The following PRR5L variants were observed in gnomAD, a reference collection of about 807,000 sequenced individuals.
The protein encoded by PRR5L is proline-rich protein 5-like.
A neutral mutation model predicts 36.4 loss-of-function variants in PRR5L; 21 were observed. That is an observed-to-expected ratio of 0.58 (90% CI 0.41 to 0.83). The LOEUF (loss-of-function observed/expected upper bound fraction) is 0.83. Ranked by LOEUF, PRR5L falls within the 40% of genes least tolerant of loss-of-function variation. The pLI is 0.00. For synonymous variants in PRR5L, 188 were observed against 197.0 expected (o/e 0.95, Z 0.38); for missense variants, 381 against 473.3 (o/e 0.80, Z 1.81).
rs537019006 is a variant in PRR5L, at chr11:36,401,245, C to T, written c.124C>T (p.Arg42Trp). 1.5e-5 allele frequency: 25 copies of T among 1,613,252 alleles called. No homozygotes were observed. The Middle Eastern group carries it at 6.6e-4, about 43-fold the overall frequency. The change falls in exon 2 of 9, where the codon CGG becomes TGG. Residue 42 changes from arginine to tryptophan, a missense_variant. Physicochemically the swap from Arg to Trp is moderately radical, Grantham distance 101. Transcript: ENST00000530639. ...LSDLPRFQAA[R>W]QALQLSSSSA... is the part of the protein sequence containing the mutation. ...CGACCTTCCCCGATTCCAAGCAGCT[C>T]GGCAGGCTCTGCAGCTGAGCTCCAG...
chr11:36,298,988 C>CCTGCTT (rs1327923616), intron 1 of PRR5L, among the ~76,000 whole-genome samples: 1 of 152,138 alleles, frequency 6.6e-6, no homozygotes, highest in African/African-American at 2.4e-5. Flanking sequence ...TTTTAAAGGT[C>CCTGCTT]CTGCTTCTAA....
intron 1 of PRR5L, among the ~76,000 whole-genome samples, chr11:36,330,518 G>C (rs749191215): frequency 6.6e-6 from 1 of 152,066 alleles, no homozygotes; most frequent in Admixed American, 6.5e-5. Context: ...ATCCCTTTCC[G>C]TGGGTCTTGA....
intron 1 of PRR5L, chr11:36,323,400 A>G (rs968313349): frequency 6.6e-6 from 1 of 152,172 alleles, no homozygotes; most frequent in African/African-American, 2.4e-5. Flanking sequence ...TTGAGCATCA[A>G]CTTGGGTTCA....
At chr11:36,405,831 G>A (rs1192358508) in intron 3 of PRR5L, among the ~76,000 whole-genome samples, 3 of 152,156 alleles carry the variant, frequency 2.0e-5, no homozygotes, top group Non-Finnish European at 4.4e-5. Flanking sequence ...TGTACTGTGT[G>A]TACACATGAC....
chr11:36,376,501 G>C (rs1004486072), intron 1 of PRR5L: 32 of 1,052,046 alleles, frequency 3.0e-5, no homozygotes, highest in Non-Finnish European at 3.6e-5. Flanking sequence ...TCTGAGGGCA[G>C]AGCTGGGGGA....
At chr11:36,430,059 G>T (rs955642279) in intron 4 of PRR5L, among the ~76,000 whole-genome samples, 5 of 151,998 alleles carry the variant, frequency 3.3e-5, no homozygotes, top group African/African-American at 1.2e-4. Context: ...AACAAAGTTG[G>T]TGTATTCCTA....
intron 1 of PRR5L, among the ~76,000 whole-genome samples, chr11:36,326,568 A>G (rs1377532741): frequency 6.6e-6 from 1 of 151,904 alleles, no homozygotes; most frequent in Non-Finnish European, 1.5e-5. Flanking sequence ...CCCTCTTTTT[A>G]CCCAATTCCA....
chr11:36,436,439 T>C (rs559114057), intron 5 of PRR5L, among the ~76,000 whole-genome samples: 33 of 152,324 alleles, frequency 2.2e-4, no homozygotes, highest in African/African-American at 7.9e-4. Context: ...CTGTGTGCTC[T>C]CCAGCCTGGG....
chr11:36,347,196 C>A (rs1036045177), intron 1 of PRR5L, among the ~76,000 whole-genome samples: 1 of 152,032 alleles, frequency 6.6e-6, no homozygotes, highest in Non-Finnish European at 1.5e-5. Context: ...TTTCTGTTTT[C>A]TTTGATTTGA....
chr11:36,384,765 TGGGCTCAA>T (rs1475624064), intron 1 of PRR5L, among the ~76,000 whole-genome samples: 9 of 151,884 alleles, frequency 5.9e-5, no homozygotes, highest in African/African-American at 2.2e-4. Flanking sequence ...CTTGAACTCC[TGGGCTCAA>T]GGGATCCTCC....
intron 6 of PRR5L, among the ~76,000 whole-genome samples, chr11:36,445,484 T>C (rs913017208): frequency 2.0e-5 from 3 of 152,112 alleles, no homozygotes; most frequent in African/African-American, 7.2e-5. Context: ...TTAGTGCATG[T>C]TGTATGTATT....
intron 1 of PRR5L, among the ~76,000 whole-genome samples, chr11:36,339,739 G>A (rs1856800691): frequency 6.6e-6 from 1 of 152,178 alleles, no homozygotes; most frequent in South Asian, 2.1e-4. Flanking sequence ...GTAAGAAGGT[G>A]ACTGGAAAAC....
At chr11:36,457,410 T>C (rs1859083422) in intron 8 of PRR5L, among the ~76,000 whole-genome samples, 2 of 151,922 alleles carry the variant, frequency 1.3e-5, no homozygotes, top group South Asian at 2.1e-4. Context: ...TTCGAGACCA[T>C]CCTGGCTAAC....
intron 1 of PRR5L, among the ~76,000 whole-genome samples, chr11:36,337,439 T>A (rs1160034461): frequency 6.6e-6 from 1 of 152,214 alleles, no homozygotes; most frequent in Non-Finnish European, 1.5e-5. Context: ...CCTCCAGAAC[T>A]GTGAGCAATA....
rs765445877 is a variant in PRR5L, at chr11:36,431,823, A to G, written c.295-30A>G. The G allele has an allele frequency of 1.9e-6, 3 of 1,611,400 alleles. No individual in the cohort carries two copies. The African/African-American group carries it at 4.0e-5, about 22-fold the overall frequency. ...TCACTTACGCTCTGGAGTTGTCCAA[A>G]TTCTTATGTTCTTTGTTCTCTTTTG... On this transcript the variant is annotated intron_variant, in intron 4 of 8. Coordinates refer to ENST00000530639, the MANE Select transcript of PRR5L (RefSeq NM_001160167.2).
At chr11:36,446,577 G>A (rs562208130) in intron 7 of PRR5L, 137 bp downstream of exon 7, 63 of 1,031,128 alleles carry the variant, frequency 6.1e-5, no homozygotes, top group Middle Eastern at 6.4e-4. Context: ...TTGTTGGCCC[G>A]TGTTCATTCA....
chr11:36,356,156 C>G (rs1241898898), intron 1 of PRR5L, among the ~76,000 whole-genome samples: 1 of 152,124 alleles, frequency 6.6e-6, no homozygotes, highest in Non-Finnish European at 1.5e-5. Flanking sequence ...AATTGATCTG[C>G]CTGCCTCGGC....
At chr11:36,340,059 T>A (rs1001034460) in intron 1 of PRR5L, among the ~76,000 whole-genome samples, 27 of 152,330 alleles carry the variant, frequency 1.8e-4, no homozygotes, top group African/African-American at 6.5e-4. Flanking sequence ...TGTGTTTCTG[T>A]GTACAGCTTT....
intron 1 of PRR5L, among the ~76,000 whole-genome samples, chr11:36,390,951 G>A (rs188103705): frequency 5.3e-5 from 8 of 152,290 alleles, no homozygotes; most frequent in Non-Finnish European, 8.8e-5. Context: ...AATCCTGGTG[G>A]TGTGGAAGGA....
Sources: allele counts gnomAD v4.1 joint callset (sites outside exome capture counted in the v4.1 genomes callset), GRCh38; gene constraint gnomAD v4.1.1; transcripts MANE v1.5; gene names NCBI Gene and HGNC (gene_info 2026-07-23, HGNC 2026-07-21).